The following C10orf143 variants were observed in gnomAD, a reference collection of about 807,000 sequenced individuals.
C10orf143 encodes the protein uncharacterized protein C10orf143.
At chr10:130,106,336 C>T in intron 1 of C10orf143, 1 of 1,599,224 alleles carries the variant, frequency 6.3e-7, no homozygotes, top group Non-Finnish European at 8.5e-7. Context: ...AAAAATTTAG[C>T]CTTGTTCAAA....
Position 130,073,574 on chromosome 10 carries a change from A to T in C10orf143, c.297+5992T>A, listed in dbSNP as rs140327872. ...TAAAGAGTGTGTTGGTCCCAACGGC[A>T]CTACTTTTGTTTTCTCTCTTCGCCT... On this transcript the variant is annotated intron_variant, in intron 3 of 3. Transcript: ENST00000637128. 3.3e-3 allele frequency among the ~76,000 whole-genome samples: 504 copies of T among 151,560 alleles called. 6 individuals carry two copies. Among genetic ancestry groups the T allele is most frequent in the African/African-American group, 0.012 (479 of 41,344 alleles).
intron 3 of C10orf143, among the ~76,000 whole-genome samples, chr10:130,070,237 C>G (rs1028283682): frequency 6.6e-6 from 1 of 152,172 alleles, no homozygotes; most frequent in Non-Finnish European, 1.5e-5. Context: ...TGTTACTGAT[C>G]TGATTCTGTT....
intron 1 of C10orf143, among the ~76,000 whole-genome samples, chr10:130,080,676 C>A (rs1200413315): frequency 1.3e-5 from 2 of 152,238 alleles, no homozygotes; most frequent in Non-Finnish European, 2.9e-5. Context: ...TCAGAACACA[C>A]TTCATGGTAC....
intron 3 of C10orf143, among the ~76,000 whole-genome samples, chr10:130,053,103 C>T (rs527374456): frequency 6.6e-6 from 1 of 152,268 alleles, no homozygotes; most frequent in Admixed American, 6.5e-5. Context: ...CTCTGTGGCC[C>T]AGGCTGGAGT....
Position 130,108,156 on chromosome 10 carries a change from T to G in C10orf143, c.69+2548A>C, listed in dbSNP as rs550639621. ...CTAATCAGAGGTCCACTGTTTCCAG[T>G]GGATACAAGGGGCCCGTTCATGAGA... On this transcript the variant is annotated intron_variant, in intron 1 of 3. Coordinates refer to ENST00000637128, the MANE Select transcript of C10orf143 (RefSeq NM_001355042.2). The G allele has an allele frequency of 1.7e-5, 27 of 1,574,706 alleles. No individual in the cohort carries two copies. The East Asian group carries it at 2.0e-4, about 12-fold the overall frequency.
chr10:130,076,548 A>C (rs1387588750), intron 3 of C10orf143, among the ~76,000 whole-genome samples: 1 of 152,128 alleles, frequency 6.6e-6, no homozygotes, highest in Non-Finnish European at 1.5e-5. Context: ...GAGACCAGAG[A>C]CCACTAGGAA....
intron 3 of C10orf143, among the ~76,000 whole-genome samples, chr10:130,075,896 G>A (rs1564961026): frequency 6.6e-6 from 1 of 152,058 alleles, no homozygotes; most frequent in South Asian, 2.1e-4. Context: ...TACAGCCTGT[G>A]GAACTGTGAG....
In C10orf143 at chr10:130,110,777, C is replaced by A; in HGVS notation, c.-5G>T. ...GCCGAGCGCTAAGCTGTCCATGCAG[C>A]CCCAGGGTCAAACCCTCCCGGCATC... On this transcript the variant is annotated 5_prime_UTR_variant, in exon 1 of 4. Coordinates refer to ENST00000637128, the MANE Select transcript of C10orf143 (RefSeq NM_001355042.2). 7.5e-6 allele frequency: 3 copies of A among 399,018 alleles called. No homozygotes were observed. Among genetic ancestry groups the A allele is most frequent in the Non-Finnish European group, 1.3e-5 (3 of 226,188 alleles). The allele number at this position is 399,018 out of a possible 1,614,324, so 24.7% of individuals were successfully genotyped here.
intron 3 of C10orf143, among the ~76,000 whole-genome samples, chr10:130,073,341 G>A (rs938080346): frequency 6.6e-6 from 1 of 152,176 alleles, no homozygotes; most frequent in African/African-American, 2.4e-5. Context: ...CCATACCCAT[G>A]CATGGCCTGG....
chr10:130,090,368 G>A (rs1052942133), intron 1 of C10orf143, among the ~76,000 whole-genome samples: 1 of 152,126 alleles, frequency 6.6e-6, no homozygotes, highest in Non-Finnish European at 1.5e-5. Flanking sequence ...CATGAGGAAC[G>A]GTGCACTCCA....
intron 3 of C10orf143, among the ~76,000 whole-genome samples, chr10:130,042,229 TGC>T (rs1358246214): frequency 6.6e-6 from 1 of 152,240 alleles, no homozygotes; most frequent in Non-Finnish European, 1.5e-5. Context: ...TCAGAAAATG[TGC>T]ATAGAGTTAT....
chr10:130,083,086 C>CA (rs955517312), intron 1 of C10orf143, among the ~76,000 whole-genome samples: 6 of 151,300 alleles, frequency 4.0e-5, no homozygotes, highest in African/African-American at 1.5e-4. Context: ...AAAAGCTGAG[C>CA]AAAAAAGGAC....
intron 1 of C10orf143, among the ~76,000 whole-genome samples, chr10:130,109,499 T>C (rs1275414433): frequency 6.6e-6 from 1 of 152,162 alleles, no homozygotes; most frequent in Non-Finnish European, 1.5e-5. Flanking sequence ...CAAACTTCCA[T>C]CTTGTTAGGG....
At chr10:130,040,256 A>G (rs1271946561) in intron 3 of C10orf143, among the ~76,000 whole-genome samples, 1 of 152,170 alleles carries the variant, frequency 6.6e-6, no homozygotes, top group Non-Finnish European at 1.5e-5. Flanking sequence ...CCTGTTGCTG[A>G]GCAGTCCAGA....
chr10:130,099,940 C>T (rs541379898), intron 1 of C10orf143, among the ~76,000 whole-genome samples: 1 of 150,178 alleles, frequency 6.7e-6, no homozygotes, highest in South Asian at 2.1e-4. Context: ...CAGGTTCAAG[C>T]GATTCTCCCA....
chr10:130,045,073 C>G (rs1161091527), intron 3 of C10orf143, among the ~76,000 whole-genome samples: 3 of 152,190 alleles, frequency 2.0e-5, no homozygotes, highest in African/African-American at 7.2e-5. Flanking sequence ...TCTCTGGGGT[C>G]CAGGGGCCCC....
chr10:130,070,847 A>T (rs537779546), intron 3 of C10orf143, among the ~76,000 whole-genome samples: 1 of 152,238 alleles, frequency 6.6e-6, no homozygotes, highest in African/African-American at 2.4e-5. Context: ...CAATTCATTT[A>T]TTCATTCTAT....
intron 1 of C10orf143, among the ~76,000 whole-genome samples, chr10:130,090,480 G>T (rs1861363130): frequency 6.6e-6 from 1 of 152,146 alleles, no homozygotes; most frequent in South Asian, 2.1e-4. Flanking sequence ...GCACAAAACT[G>T]GGCGGCCATT....
chr10:130,097,979 C>T (rs1463791812), intron 1 of C10orf143, among the ~76,000 whole-genome samples: 1 of 150,680 alleles, frequency 6.6e-6, no homozygotes, highest in Admixed American at 6.7e-5. Context: ...GATAGTTGCA[C>T]AGCTGTAAAT....
Sources: allele counts gnomAD v4.1 joint callset (sites outside exome capture counted in the v4.1 genomes callset), GRCh38; gene constraint gnomAD v4.1.1; transcripts MANE v1.5; gene names NCBI Gene and HGNC (gene_info 2026-07-23, HGNC 2026-07-21).